The following NFATC2 variants were observed in gnomAD, a reference collection of about 807,000 sequenced individuals.
NFATC2 encodes nuclear factor of activated T-cells, cytoplasmic 2.
NFATC2 carries 22 observed loss-of-function variants against 87.3 expected under a neutral mutation model. That is an observed-to-expected ratio of 0.25 (90% CI 0.18 to 0.36). The LOEUF is 0.36. Ranked by LOEUF, NFATC2 falls within the 10% of genes least tolerant of loss-of-function variation. The pLI is 1.00. For missense variants in NFATC2, 1,149 were observed against 1,259.1 expected (o/e 0.91, Z 1.32); for synonymous variants, 565 against 542.2 (o/e 1.04, Z -0.58).
intron 1 of NFATC2, among the ~76,000 whole-genome samples, chr20:51,541,576 T>C (rs1348602810): frequency 6.6e-6 from 1 of 152,082 alleles, no homozygotes; most frequent in African/African-American, 2.4e-5. Context: ...GTGACAAAGT[T>C]CAGGCAGAAA....
chr20:51,394,633 A>G (rs1193351345), intron 10 of NFATC2, among the ~76,000 whole-genome samples: 3 of 149,862 alleles, frequency 2.0e-5, no homozygotes, highest in African/African-American at 7.6e-5. Flanking sequence ...GTGCATGGGA[A>G]GTACTCAATA....
At chr20:51,561,766 C>T (rs1467278078) in intron 1 of NFATC2, among the ~76,000 whole-genome samples, 7 of 152,128 alleles carry the variant, frequency 4.6e-5, no homozygotes, top group African/African-American at 1.7e-4. Flanking sequence ...CAACGCTTTG[C>T]CCATTTCCAC....
chr20:51,530,580 T>C (rs2076616818), intron 1 of NFATC2, among the ~76,000 whole-genome samples: 1 of 152,140 alleles, frequency 6.6e-6, no homozygotes, highest in Non-Finnish European at 1.5e-5. Flanking sequence ...TCACCTACCA[T>C]GGGAGGTACC....
At chr20:51,445,303 C>G (rs530306046) in intron 6 of NFATC2, among the ~76,000 whole-genome samples, 3 of 152,258 alleles carry the variant, frequency 2.0e-5, no homozygotes, top group African/African-American at 7.2e-5. Context: ...CACGCTGGGG[C>G]CTTGGCACTG....
chr20:51,404,716 G>A (rs1221083310), intron 9 of NFATC2, among the ~76,000 whole-genome samples: 1 of 152,198 alleles, frequency 6.6e-6, no homozygotes, highest in African/African-American at 2.4e-5. Context: ...GGGCAGGGCT[G>A]AGATCAGCCA....
At chr20:51,427,547 T>G (rs964258736) in intron 9 of NFATC2, among the ~76,000 whole-genome samples, 2 of 152,150 alleles carry the variant, frequency 1.3e-5, no homozygotes, top group African/African-American at 4.8e-5. Flanking sequence ...TCCCCCTTTT[T>G]TCAACCCTTG....
At chr20:51,455,357 C>T (rs1986286868) in intron 5 of NFATC2, among the ~76,000 whole-genome samples, 1 of 151,994 alleles carries the variant, frequency 6.6e-6, no homozygotes, top group African/African-American at 2.4e-5. Context: ...TGTCTGTCCT[C>T]CCCAGTTACC....
intron 5 of NFATC2, among the ~76,000 whole-genome samples, chr20:51,460,894 C>T (rs1184193997): frequency 6.6e-6 from 1 of 152,176 alleles, no homozygotes; most frequent in Non-Finnish European, 1.5e-5. Context: ...GATACCCAGG[C>T]CACATCCCTC....
intron 6 of NFATC2, among the ~76,000 whole-genome samples, chr20:51,436,040 T>C (rs1445476536): frequency 2.0e-5 from 3 of 152,102 alleles, no homozygotes; most frequent in African/African-American, 7.2e-5. Context: ...CATTTATAAG[T>C]GGGAGCTAAG....
intron 2 of NFATC2, among the ~76,000 whole-genome samples, chr20:51,522,638 CCT>C (rs2076467212): frequency 6.6e-6 from 1 of 151,704 alleles, no homozygotes; most frequent in African/African-American, 2.4e-5. Flanking sequence ...AACATCACTT[CCT>C]CTTATAATGA....
chr20:51,472,780 C>T (rs953985855), intron 5 of NFATC2, among the ~76,000 whole-genome samples: 2 of 151,750 alleles, frequency 1.3e-5, no homozygotes, highest in African/African-American at 2.4e-5. Context: ...GAATTACAGG[C>T]GCATACCACC....
At chr20:51,506,358 C>T (rs2076179076) in intron 3 of NFATC2, among the ~76,000 whole-genome samples, 1 of 152,180 alleles carries the variant, frequency 6.6e-6, no homozygotes, top group South Asian at 2.1e-4. Context: ...GCTCAGTAAA[C>T]ATGCATGACT....
At chr20:51,394,911 C>T (rs991615600) in intron 10 of NFATC2, among the ~76,000 whole-genome samples, 4 of 152,214 alleles carry the variant, frequency 2.6e-5, no homozygotes, top group East Asian at 3.9e-4. Context: ...TGCCCTCACT[C>T]GCTCCAAAAG....
intron 9 of NFATC2, among the ~76,000 whole-genome samples, chr20:51,405,471 T>C (rs1355183951): frequency 6.6e-6 from 1 of 152,192 alleles, no homozygotes; most frequent in African/African-American, 2.4e-5. Context: ...TCTGTTTGCA[T>C]GTGCCATGTT....
chr20:51,436,292 GAAGA>G (rs1369728453), intron 6 of NFATC2, among the ~76,000 whole-genome samples: 1 of 150,278 alleles, frequency 6.7e-6, no homozygotes, highest in African/African-American at 2.4e-5. Flanking sequence ...TTGACAGCCA[GAAGA>G]AAGAAAACAG....
chr20:51,435,429 C>G lies in NFATC2; in HGVS notation c.1906-115G>C, dbSNP rs531238133. On this transcript the variant is annotated intron_variant, in intron 7 of 10. Transcript: ENST00000371564. Reference sequence around the variant, plus strand: ...ATGGGTGTTTTGATGTGCCTTTCATCGGTTTACAGGGGAAGTTCAATTTCA... The same window carrying G: ...ATGGGTGTTTTGATGTGCCTTTCATGGGTTTACAGGGGAAGTTCAATTTCA... 8.0e-4 allele frequency: 1,149 copies of G among 1,442,220 alleles called. 24 individuals carry two copies. In the South Asian group the frequency reaches 0.014, roughly 17 times the overall value. 89.3% of individuals were successfully genotyped at this position (1,442,220 alleles called of 1,614,324 possible).
chr20:51,456,996 G>C (rs1441543910), intron 5 of NFATC2, among the ~76,000 whole-genome samples: 1 of 152,220 alleles, frequency 6.6e-6, no homozygotes, highest in Non-Finnish European at 1.5e-5. Flanking sequence ...GCTCAGCCCA[G>C]GCACCCTCTG....
intron 5 of NFATC2, among the ~76,000 whole-genome samples, chr20:51,471,073 T>C (rs570390732): frequency 1.9e-3 from 282 of 152,346 alleles, no homozygotes; most frequent in Non-Finnish European, 3.2e-3. Context: ...GGCAAATGCC[T>C]TTTTAAAAAG....
At chr20:51,442,735 C>T (rs1324333996) in intron 6 of NFATC2, among the ~76,000 whole-genome samples, 2 of 146,378 alleles carry the variant, frequency 1.4e-5, no homozygotes, top group Non-Finnish European at 3.0e-5. Flanking sequence ...AAGAAAAAGG[C>T]ACATTGCAAC....
Sources: gnomAD v4.1 joint callset for allele counts (sites outside exome capture counted in the v4.1 genomes callset) on GRCh38, gnomAD v4.1.1 for gene constraint, MANE v1.5 for transcripts, NCBI Gene and HGNC (gene_info 2026-07-23, HGNC 2026-07-21) for gene names.